PARN: variants seen among roughly 807,000 people sequenced by gnomAD.
PARN encodes the protein poly(A)-specific ribonuclease.
Under a neutral mutation model 102.8 loss-of-function variants are expected in PARN, and 71 were observed. That is an observed-to-expected ratio of 0.69 (90% CI 0.57 to 0.84). PARN has a LOEUF of 0.84. Ranked by LOEUF, PARN falls within the 40% of genes least tolerant of loss-of-function variation. PARN has a pLI of 0.00. For synonymous variants in PARN, 261 were observed against 252.9 expected, an observed-to-expected ratio of 1.03 and a Z score of -0.30; for missense variants, 782 against 760.9, an observed-to-expected ratio of 1.03 and a Z score of -0.33.
chr16:14,575,531 T>C (rs62037476), intron 18 of PARN, among the ~76,000 whole-genome samples: 1 of 152,216 alleles, frequency 6.6e-6, no homozygotes, highest in Non-Finnish European at 1.5e-5. Context: ...AATAAGAGCC[T>C]GTAGCCAATT....
chr16:14,630,207 G>A lies in PARN; in HGVS notation c.-82C>T, dbSNP rs1218169486. The A allele has an allele frequency of 6.3e-6, 8 of 1,263,168 alleles. No individual in the cohort carries two copies. The highest frequency in any genetic ancestry group is 1.5e-5 in the African/African-American group (1 of 66,124). The allele number at this position is 1,263,168 out of a possible 1,614,324, so 78.2% of individuals were successfully genotyped here. On this transcript the variant is annotated 5_prime_UTR_variant, in exon 1 of 24. Coordinates refer to ENST00000437198, the MANE Select transcript of PARN (RefSeq NM_002582.4). ...CTACTCGCCGAATTCCGCGGCGACT[G>A]CGGCAGTAGCTGAGGCAGCCGCAGC...
At chr16:14,526,333 C>T (rs897166198) in intron 21 of PARN, among the ~76,000 whole-genome samples, 11 of 151,878 alleles carry the variant, frequency 7.2e-5, no homozygotes, top group African/African-American at 2.4e-4. Flanking sequence ...CCTGCCACCA[C>T]GCCTGGCTAA....
At chr16:14,575,669 T>C (rs186934723) in intron 18 of PARN, among the ~76,000 whole-genome samples, 8 of 151,958 alleles carry the variant, frequency 5.3e-5, no homozygotes, top group African/African-American at 1.9e-4. Context: ...CAAATGAGAG[T>C]TTGGACTGTG....
intron 22 of PARN, among the ~76,000 whole-genome samples, chr16:14,474,580 T>A (rs1348868302): frequency 2.0e-5 from 3 of 152,204 alleles, no homozygotes; most frequent in African/African-American, 7.2e-5. Flanking sequence ...GACGTCAGCA[T>A]TCTTTCCACC....
intron 11 of PARN, among the ~76,000 whole-genome samples, chr16:14,603,069 C>T (rs544122499): frequency 3.9e-5 from 6 of 152,188 alleles, no homozygotes; most frequent in South Asian, 4.1e-4. Flanking sequence ...TACAGGCGCA[C>T]GTCACCACAC....
At chr16:14,533,494 G>T (rs989401155) in intron 21 of PARN, among the ~76,000 whole-genome samples, 7 of 125,898 alleles carry the variant, frequency 5.6e-5, no homozygotes, top group Non-Finnish European at 1.0e-4. Flanking sequence ...AGAGGGAGAG[G>T]TTCCAAACTC....
intron 21 of PARN, among the ~76,000 whole-genome samples, chr16:14,504,857 T>C (rs1215889545): frequency 6.6e-6 from 1 of 151,974 alleles, no homozygotes; most frequent in African/African-American, 2.4e-5. Context: ...TTTTCCTATA[T>C]GTATGTTAAG....
intron 22 of PARN, among the ~76,000 whole-genome samples, chr16:14,448,510 A>G (rs2151558782): frequency 6.6e-6 from 1 of 152,194 alleles, no homozygotes; most frequent in Non-Finnish European, 1.5e-5. Context: ...CTGGTCTGGA[A>G]CAATGGACCT....
intron 8 of PARN, 68 bp from the exon 9 acceptor site, chr16:14,608,387 T>C: frequency 1.0e-6 from 1 of 995,728 alleles, no homozygotes; most frequent in South Asian, 1.5e-5. Context: ...ATCAAGCATT[T>C]GTTGAGAAGG....
chr16:14,572,787 A>G (rs1968888333), intron 18 of PARN, among the ~76,000 whole-genome samples: 2 of 152,228 alleles, frequency 1.3e-5, no homozygotes, highest in African/African-American at 4.8e-5. Context: ...TTATGTCCAC[A>G]AGCTAACATA....
At chr16:14,533,457 G>C (rs868562792) in intron 21 of PARN, among the ~76,000 whole-genome samples, 1 of 74,916 alleles carries the variant, frequency 1.3e-5, no homozygotes. Context: ...GAGAGGGAGA[G>C]GGAGAGGGAG....
chr16:14,614,846 CAAAAAAAAAAAAAAAAAAAAA>C (rs57502376), intron 6 of PARN, among the ~76,000 whole-genome samples: 1 of 37,656 alleles, frequency 2.7e-5, no homozygotes, highest in Non-Finnish European at 4.3e-5. Context: ...GAAACTGTCT[CAAAAAAAAAAAAAAAAAAAAA>C]AAAAAAAAAA....
chr16:14,476,942 G>A (rs1228808434), intron 22 of PARN, among the ~76,000 whole-genome samples: 1 of 152,142 alleles, frequency 6.6e-6, no homozygotes, highest in Non-Finnish European at 1.5e-5. Flanking sequence ...GAGGAACAGA[G>A]GGACACAGAA....
At chr16:14,517,627 A>G (rs1032272860) in intron 21 of PARN, among the ~76,000 whole-genome samples, 1 of 152,266 alleles carries the variant, frequency 6.6e-6, no homozygotes, top group Non-Finnish European at 1.5e-5. Flanking sequence ...TTATATGCTA[A>G]AAAACAGAAT....
At chr16:14,553,650 C>A (rs1384063663) in intron 20 of PARN, among the ~76,000 whole-genome samples, 1 of 152,212 alleles carries the variant, frequency 6.6e-6, no homozygotes, top group African/African-American at 2.4e-5. Context: ...TGCCCTACCT[C>A]ATACACGTAT....
chr16:14,594,025 T>C lies in PARN; in HGVS notation c.841-647A>G, dbSNP rs956870629. On this transcript the variant is annotated intron_variant, in intron 12 of 23. Transcript: ENST00000437198. ...AAAAAAAAAGTAAAATCTGAAAGCG[T>C]TGACTCCCTTAAACTGTCAAATAAT... Among the ~76,000 whole-genome samples, 9 of 151,006 alleles carry C rather than the reference T, an allele frequency of 6.0e-5. No homozygotes were observed. The East Asian group carries it at 1.5e-3, about 26-fold the overall frequency.
At chr16:14,513,117 G>T (rs1965288227) in intron 21 of PARN, among the ~76,000 whole-genome samples, 1 of 152,162 alleles carries the variant, frequency 6.6e-6, no homozygotes, top group African/African-American at 2.4e-5. Context: ...TAGAGACGGG[G>T]TTTCACCATG....
intron 20 of PARN, 94 bp downstream of exon 20, chr16:14,553,971 T>C: frequency 2.7e-6 from 2 of 748,310 alleles, no homozygotes; most frequent in South Asian, 1.7e-5. Flanking sequence ...TTAACATTCT[T>C]TTATACGCAG....
At chr16:14,446,298 A>G (rs1416603770) in intron 23 of PARN, among the ~76,000 whole-genome samples, 1 of 152,204 alleles carries the variant, frequency 6.6e-6, no homozygotes, top group Non-Finnish European at 1.5e-5. Context: ...CCGCACACTT[A>G]GCCTCGCTGA....
Sources: allele counts gnomAD v4.1 joint callset (sites outside exome capture counted in the v4.1 genomes callset), GRCh38; gene constraint gnomAD v4.1.1; transcripts MANE v1.5; gene names NCBI Gene and HGNC (gene_info 2026-07-23, HGNC 2026-07-21).